CNTNAP2: variants seen among roughly 807,000 people sequenced by gnomAD.
CNTNAP2 encodes the protein contactin associated protein 2.
Under a neutral mutation model 155.2 loss-of-function variants are expected in CNTNAP2, and 98 were observed. That is an observed-to-expected ratio of 0.63 (90% CI 0.54 to 0.75). CNTNAP2 has a LOEUF of 0.75. CNTNAP2 is among the 30% of genes least tolerant of loss of function. The probability of loss-of-function intolerance (pLI) is 0.00; values close to 1 mark genes in which losing one functional copy is unlikely to be tolerated. For missense variants in CNTNAP2, 1,727 were observed against 1,688.1 expected, an observed-to-expected ratio of 1.02 and a Z score of -0.40; for synonymous variants, 651 against 631.2, an observed-to-expected ratio of 1.03 and a Z score of -0.47.
chr7:146,615,521 G>A (rs969022103), intron 1 of CNTNAP2, among the ~76,000 whole-genome samples: 2 of 152,188 alleles, frequency 1.3e-5, no homozygotes, highest in African/African-American at 4.8e-5. Flanking sequence ...CAAAAATGTA[G>A]CAATGAAATA....
At chr7:146,641,556 T>G (rs1280930704) in intron 1 of CNTNAP2, among the ~76,000 whole-genome samples, 1 of 152,196 alleles carries the variant, frequency 6.6e-6, no homozygotes, top group East Asian at 1.9e-4. Flanking sequence ...GTTTCTATGA[T>G]TATTTCTCTC....
intron 5 of CNTNAP2, among the ~76,000 whole-genome samples, chr7:147,111,858 G>A (rs532828398): frequency 6.6e-6 from 1 of 151,952 alleles, no homozygotes; most frequent in Non-Finnish European, 1.5e-5. Context: ...ACTCTTTTTT[G>A]GTTCCATGTG....
chr7:146,330,755 T>C (rs1248822145), intron 1 of CNTNAP2, among the ~76,000 whole-genome samples: 4 of 152,144 alleles, frequency 2.6e-5, no homozygotes, highest in Non-Finnish European at 4.4e-5. Flanking sequence ...TGGATTAGGA[T>C]AGTAGCGACA....
At chr7:146,856,106 C>G (rs1385984237) in intron 3 of CNTNAP2, among the ~76,000 whole-genome samples, 2 of 151,642 alleles carry the variant, frequency 1.3e-5, no homozygotes, top group Non-Finnish European at 1.5e-5. Context: ...TAAGAGCCAA[C>G]TTGAAATAAT....
intron 1 of CNTNAP2, among the ~76,000 whole-genome samples, chr7:146,252,380 C>A (rs1799768376): frequency 6.6e-6 from 1 of 152,182 alleles, no homozygotes; most frequent in Non-Finnish European, 1.5e-5. Flanking sequence ...TTTCCAGTTT[C>A]CTACTGGACA....
Position 146,984,271 on chromosome 7 carries a change from G to T in CNTNAP2, c.403-59636G>T, listed in dbSNP as rs773245500. On this transcript the variant is annotated intron_variant, in intron 3 of 23. Transcript: ENST00000361727. The stretch of plus-strand genomic sequence containing the variant: ...AATCCCAGCTACTCGGGAGGCTGAG[G>T]CAGGAGAATTGCTTGAATCCTGGAG... Among the ~76,000 whole-genome samples, 11 of 151,190 alleles carry T rather than the reference G, an allele frequency of 7.3e-5. No homozygotes were observed. In the South Asian group the frequency reaches 2.3e-3, roughly 32 times the overall value.
intron 10 of CNTNAP2, among the ~76,000 whole-genome samples, chr7:147,417,301 C>T (rs1395833297): frequency 6.6e-6 from 1 of 152,130 alleles, no homozygotes; most frequent in Admixed American, 6.5e-5. Context: ...GGCTGGGAAG[C>T]CTGAGTTGAA....
intron 1 of CNTNAP2, among the ~76,000 whole-genome samples, chr7:146,325,253 C>T (rs887094651): frequency 6.6e-6 from 1 of 151,828 alleles, no homozygotes; most frequent in Non-Finnish European, 1.5e-5. Flanking sequence ...AAATGTAAGA[C>T]AATTAGAAAG....
chr7:146,488,040 A>G (rs1166723520), intron 1 of CNTNAP2, among the ~76,000 whole-genome samples: 1 of 152,222 alleles, frequency 6.6e-6, no homozygotes, highest in Non-Finnish European at 1.5e-5. Flanking sequence ...CTCTAGATTT[A>G]GCCCACTCTT....
intron 10 of CNTNAP2, among the ~76,000 whole-genome samples, chr7:147,467,752 C>T (rs1798145425): frequency 6.6e-6 from 1 of 152,142 alleles, no homozygotes; most frequent in South Asian, 2.1e-4. Flanking sequence ...ACAGCTGTGG[C>T]TGGGCATTGT....
intron 13 of CNTNAP2, among the ~76,000 whole-genome samples, chr7:147,739,152 T>A (rs1796911969): frequency 6.6e-6 from 1 of 151,958 alleles, no homozygotes; most frequent in African/African-American, 2.4e-5. Context: ...TTTTTTTTTT[T>A]TTTTTCTTAA....
chr7:146,362,129 T>G (rs2129101034), intron 1 of CNTNAP2, among the ~76,000 whole-genome samples: 1 of 152,318 alleles, frequency 6.6e-6, no homozygotes, highest in African/African-American at 2.4e-5. Context: ...ATCTTACTCT[T>G]TGGAAATTTT....
chr7:147,118,549 G>C (rs184648531), intron 5 of CNTNAP2, among the ~76,000 whole-genome samples: 6 of 151,338 alleles, frequency 4.0e-5, no homozygotes, highest in Admixed American at 2.6e-4. Flanking sequence ...ATGGGGATGC[G>C]TTCTGAGAAA....
chr7:147,134,968 A>C (rs2129285826), intron 8 of CNTNAP2, among the ~76,000 whole-genome samples: 1 of 152,054 alleles, frequency 6.6e-6, no homozygotes, highest in African/African-American at 2.4e-5. Flanking sequence ...TGCACTGAGA[A>C]GGTAATATAG....
intron 11 of CNTNAP2, among the ~76,000 whole-genome samples, chr7:147,501,407 AAAC>A (rs1798809288): frequency 6.6e-6 from 1 of 152,114 alleles, no homozygotes. Context: ...AAGAAGAAAA[AAAC>A]ACATCCAAAT....
chr7:147,610,572 T>TG (rs1490911805), intron 12 of CNTNAP2, among the ~76,000 whole-genome samples: 1 of 152,152 alleles, frequency 6.6e-6, no homozygotes, highest in Non-Finnish European at 1.5e-5. Context: ...GTGGGTTATA[T>TG]GTTTAAACAG....
intron 1 of CNTNAP2, among the ~76,000 whole-genome samples, chr7:146,500,239 C>T (rs554810549): frequency 1.6e-4 from 23 of 141,226 alleles, no homozygotes; most frequent in African/African-American, 6.8e-4. Flanking sequence ...CACAGGGGTT[C>T]GGGCTAGGTC....
chr7:147,362,412 G>C (rs559394117), intron 9 of CNTNAP2, among the ~76,000 whole-genome samples: 1 of 151,958 alleles, frequency 6.6e-6, no homozygotes, highest in Non-Finnish European at 1.5e-5. Flanking sequence ...TCGGATTACA[G>C]GCATGAGCCA....
intron 8 of CNTNAP2, among the ~76,000 whole-genome samples, chr7:147,168,020 GTA>G (rs1309783481): frequency 1.5e-4 from 22 of 148,228 alleles, no homozygotes; most frequent in East Asian, 5.9e-4. Context: ...ATACATATAT[GTA>G]TATGTGTGTT....
Sources: allele counts gnomAD v4.1 joint callset (sites outside exome capture counted in the v4.1 genomes callset), GRCh38; gene constraint gnomAD v4.1.1; transcripts MANE v1.5; gene names NCBI Gene and HGNC (gene_info 2026-07-23, HGNC 2026-07-21).